The following RPS6KC1 variants were observed in gnomAD, a reference collection of about 807,000 sequenced individuals.
RPS6KC1 encodes the protein ribosomal protein S6 kinase C1.
RPS6KC1 carries 54 observed loss-of-function variants against 103.8 expected under a neutral mutation model. The ratio of observed to expected loss-of-function variants is 0.52; its 90% CI spans 0.42 to 0.65. RPS6KC1 has a LOEUF of 0.65. RPS6KC1 is among the 30% of genes least tolerant of loss of function. The pLI is 0.00. For synonymous variants in RPS6KC1, 439 were observed against 438.7 expected, an observed-to-expected ratio of 1.00 and a Z score of -0.01; for missense variants, 1,151 against 1,253.8, an observed-to-expected ratio of 0.92 and a Z score of 1.24.
chr1:213,660,072 A>G, the RPS6KC1 span, among the ~76,000 whole-genome samples: 131,688 of 152,220 alleles, frequency 0.87, 57,042 homozygotes, highest in Non-Finnish European at 0.89. Flanking sequence ...GCCCCTAGGT[A>G]TTCTGTTGGA....
the RPS6KC1 span, among the ~76,000 whole-genome samples, chr1:213,397,461 G>A: frequency 6.6e-6 from 1 of 151,894 alleles, no homozygotes; most frequent in Non-Finnish European, 1.5e-5. Context: ...GAAAGTGTTG[G>A]TTCCAATTTG....
chr1:213,271,790 A>G (rs909321163), intron 14 of RPS6KC1, among the ~76,000 whole-genome samples: 4 of 147,600 alleles, frequency 2.7e-5, no homozygotes, highest in African/African-American at 1.0e-4. Flanking sequence ...AAAATGTTCT[A>G]AAACTGGATT....
chr1:213,554,972 A>T, the RPS6KC1 span, among the ~76,000 whole-genome samples: 1 of 152,328 alleles, frequency 6.6e-6, no homozygotes, highest in Admixed American at 6.5e-5. Context: ...CAAATATGAT[A>T]CAAGGATAGA....
At chr1:213,493,427 C>T in the RPS6KC1 span, among the ~76,000 whole-genome samples, 1 of 152,152 alleles carries the variant, frequency 6.6e-6, no homozygotes, top group Non-Finnish European at 1.5e-5. Flanking sequence ...GAAATATTTA[C>T]ACACATTAAA....
chr1:213,369,738 G>C, the RPS6KC1 span, among the ~76,000 whole-genome samples: 1 of 152,240 alleles, frequency 6.6e-6, no homozygotes, highest in African/African-American at 2.4e-5. Flanking sequence ...TAGGCAGCTG[G>C]TGTGGCCAGC....
chr1:213,186,841 A>C (rs116546188), intron 8 of RPS6KC1, among the ~76,000 whole-genome samples: 1 of 152,040 alleles, frequency 6.6e-6, no homozygotes, highest in Admixed American at 6.6e-5. Context: ...TGCTTCATTC[A>C]TCTGCTTTGA....
the RPS6KC1 span, among the ~76,000 whole-genome samples, chr1:213,393,465 C>G: frequency 6.6e-6 from 1 of 152,198 alleles, no homozygotes; most frequent in Non-Finnish European, 1.5e-5. Flanking sequence ...TAATCTCACT[C>G]TTAATGTATC....
chr1:213,240,039 A>C (rs2094315587), intron 10 of RPS6KC1, among the ~76,000 whole-genome samples: 1 of 152,200 alleles, frequency 6.6e-6, no homozygotes, highest in South Asian at 2.1e-4. Flanking sequence ...GATATATGTC[A>C]GAATACACAG....
At chr1:213,564,629 A>C in the RPS6KC1 span, among the ~76,000 whole-genome samples, 1 of 152,174 alleles carries the variant, frequency 6.6e-6, no homozygotes. Context: ...AACAGGCACC[A>C]TGTTCCTATG....
intron 12 of RPS6KC1, among the ~76,000 whole-genome samples, chr1:213,244,392 A>C (rs1419429199): frequency 6.6e-6 from 1 of 152,172 alleles, no homozygotes; most frequent in Non-Finnish European, 1.5e-5. Flanking sequence ...ATAACAAAAC[A>C]AAACCACACA....
chr1:213,355,387 G>A, the RPS6KC1 span, among the ~76,000 whole-genome samples: 1 of 152,098 alleles, frequency 6.6e-6, no homozygotes, highest in African/African-American at 2.4e-5. Context: ...TTGCAGAATC[G>A]GGAGCTGTAG....
the RPS6KC1 span, among the ~76,000 whole-genome samples, chr1:213,434,756 A>T: frequency 4.0e-5 from 6 of 151,562 alleles, no homozygotes; most frequent in Non-Finnish European, 7.4e-5. Flanking sequence ...GCACCTGGCT[A>T]TCTTTGTTTC....
chr1:213,404,334 G>A, the RPS6KC1 span, among the ~76,000 whole-genome samples: 1 of 152,214 alleles, frequency 6.6e-6, no homozygotes, highest in African/African-American at 2.4e-5. Flanking sequence ...GGGAGCACTG[G>A]CCAGGTAGAG....
the RPS6KC1 span, among the ~76,000 whole-genome samples, chr1:213,698,928 A>G: frequency 1.3e-5 from 2 of 151,830 alleles, no homozygotes; most frequent in South Asian, 4.2e-4. Flanking sequence ...TTTTGTGGGT[A>G]CATAGTAGGT....
At chr1:213,396,959 A>T in the RPS6KC1 span, among the ~76,000 whole-genome samples, 1 of 152,254 alleles carries the variant, frequency 6.6e-6, no homozygotes, top group East Asian at 1.9e-4. Context: ...GGGTCTTGCC[A>T]GGGTCTCCTT....
chr1:213,358,488 A>T, the RPS6KC1 span, among the ~76,000 whole-genome samples: 1 of 152,226 alleles, frequency 6.6e-6, no homozygotes, highest in South Asian at 2.1e-4. Flanking sequence ...TATCCCCTTT[A>T]TCATTTTTTA....
the RPS6KC1 span, among the ~76,000 whole-genome samples, chr1:213,823,939 A>G: frequency 6.6e-6 from 1 of 152,174 alleles, no homozygotes; most frequent in Non-Finnish European, 1.5e-5. Context: ...AAAAGGGACT[A>G]AGTAACTTTC....
intron 10 of RPS6KC1, among the ~76,000 whole-genome samples, chr1:213,237,907 C>T (rs569192216): frequency 1.8e-4 from 28 of 151,856 alleles, no homozygotes; most frequent in African/African-American, 6.8e-4. Context: ...TAATATATGT[C>T]TTTGGAAGAA....
chr1:213,280,122 C>T, the RPS6KC1 span, among the ~76,000 whole-genome samples: 5 of 151,868 alleles, frequency 3.3e-5, no homozygotes, highest in East Asian at 3.9e-4. Flanking sequence ...GTCCTTGTGT[C>T]GGTGGGAAAG....
Sources: allele counts gnomAD v4.1 joint callset (sites outside exome capture counted in the v4.1 genomes callset), GRCh38; gene constraint gnomAD v4.1.1; transcripts MANE v1.5; gene names NCBI Gene and HGNC (gene_info 2026-07-23, HGNC 2026-07-21).